The following MTHFD1L variants were observed in gnomAD, a reference collection of about 807,000 sequenced individuals.
MTHFD1L encodes monofunctional C1-tetrahydrofolate synthase, mitochondrial.
In MTHFD1L, 81 loss-of-function variants were observed where a neutral mutation model predicts 119.5. The observed-to-expected ratio is 0.68, with a 90% CI of 0.57 to 0.82. The LOEUF is 0.82. Ranked by LOEUF, MTHFD1L falls within the 40% of genes least tolerant of loss-of-function variation. The pLI is 0.00. For synonymous variants in MTHFD1L, 430 were observed against 475.2 expected (o/e 0.90, Z 1.24); for missense variants, 1,125 against 1,253.4 (o/e 0.90, Z 1.55).
intron 26 of MTHFD1L, among the ~76,000 whole-genome samples, chr6:151,059,190 T>A (rs1380323263): frequency 1.0e-5 from 1 of 96,592 alleles, no homozygotes; most frequent in Non-Finnish European, 3.0e-5. Context: ...TCTAAACTGG[T>A]GGTGGTGGTG....
intron 5 of MTHFD1L, 21 bp from the exon 6 acceptor site, chr6:150,885,613 C>T (rs1425537589): frequency 1.2e-6 from 2 of 1,601,552 alleles, no homozygotes; most frequent in African/African-American, 1.3e-5. Context: ...ACTTAACCTA[C>T]TTCTTTATTT....
intron 26 of MTHFD1L, among the ~76,000 whole-genome samples, chr6:151,076,052 A>T (rs563492984): frequency 6.6e-6 from 1 of 152,244 alleles, no homozygotes; most frequent in Non-Finnish European, 1.5e-5. Context: ...ATACCGCTGC[A>T]TAGCTATTAG....
intron 11 of MTHFD1L, 92 bp from the exon 12 acceptor site, chr6:150,936,712 G>A: frequency 6.9e-7 from 1 of 1,440,862 alleles, no homozygotes; most frequent in Non-Finnish European, 9.6e-7. Flanking sequence ...TTTGAAATGA[G>A]CACCCTCAGA....
intron 26 of MTHFD1L, among the ~76,000 whole-genome samples, chr6:151,054,682 C>T (rs950550733): frequency 4.6e-5 from 7 of 152,086 alleles, no homozygotes; most frequent in African/African-American, 1.7e-4. Context: ...ATCTTTCTAC[C>T]CCCAAATAAT....
chr6:150,956,597 G>A (rs1390662080), intron 17 of MTHFD1L, among the ~76,000 whole-genome samples: 3 of 152,178 alleles, frequency 2.0e-5, no homozygotes, highest in Non-Finnish European at 4.4e-5. Context: ...GATATTGGAT[G>A]TGCGTCAATG....
At chr6:151,090,622 C>G (rs1251120030) in intron 26 of MTHFD1L, among the ~76,000 whole-genome samples, 1 of 152,242 alleles carries the variant, frequency 6.6e-6, no homozygotes, top group Admixed American at 6.5e-5. Flanking sequence ...GTTCTATTCT[C>G]TAGGCCTTAG....
chr6:151,038,980 C>T (rs1159229944), intron 26 of MTHFD1L, among the ~76,000 whole-genome samples: 2 of 152,110 alleles, frequency 1.3e-5, no homozygotes, highest in African/African-American at 4.8e-5. Flanking sequence ...ACTGGAAATA[C>T]AGACACAGTG....
At position 150,960,386 on chromosome 6, in the gene MTHFD1L, A is replaced by C; in HGVS notation, c.1915A>C (p.Ser639Arg). The change falls in exon 18 of 28, where the codon AGC (serine) becomes CGC (arginine). Residue 639 changes from serine (S) to arginine (R), a missense_variant. Transcript: ENST00000367321. ...AAGGATGGTGGTGGCCAGTGACAAA[A>C]GCGGGCAGCCTGTGACAGCAGATGA... Reference protein sequence around the residue: ...LGRMVVASDKSGQPVTADDLG... With the variant: ...LGRMVVASDKRGQPVTADDLG... 6.2e-7 allele frequency: 1 copy of C among 1,612,864 alleles called. No individual in the cohort carries two copies. Among genetic ancestry groups the C allele is most frequent in the Non-Finnish European group, 8.5e-7 (1 of 1,179,382 alleles).
In MTHFD1L at chr6:151,014,874, T is replaced by C. The variant is rs1222377313; in HGVS notation, c.2308-6T>C. On this transcript the variant is annotated splice_region_variant and splice_polypyrimidine_tract_variant and intron_variant, in intron 22 of 27. Coordinates refer to ENST00000367321, the MANE Select transcript of MTHFD1L (RefSeq NM_015440.5). ...GGTCTGGGTTTTGCTTTTTTCTTTT[T>C]TACAGAACATCCAGCTGGTGGCAGA... The C allele has an allele frequency of 1.4e-5, 23 of 1,613,560 alleles. No homozygotes were observed. The highest frequency in any genetic ancestry group is 8.0e-5 in the African/African-American group (6 of 75,024).
At position 151,029,572 on chromosome 6, in the gene MTHFD1L, G is replaced by A. The variant is rs537118899; in HGVS notation, c.2587-4921G>A. On this transcript the variant is annotated intron_variant, in intron 24 of 27. Transcript: ENST00000367321. Reference sequence around the variant, plus strand: ...AGCACTTTGGGAGGCCGAGGCAAGCGGATCACCTGAGGTCAGGAGTTTGAG... The same window carrying A: ...AGCACTTTGGGAGGCCGAGGCAAGCAGATCACCTGAGGTCAGGAGTTTGAG... Among the ~76,000 whole-genome samples, 342 of 151,308 alleles carry A rather than the reference G, an allele frequency of 2.3e-3. 1 individual carries two copies. The highest frequency in any genetic ancestry group is 3.9e-3 in the Non-Finnish European group (263 of 67,788).
intron 14 of MTHFD1L, 33 bp from the exon 15 acceptor site, chr6:150,945,434 T>C (rs1793762833): frequency 1.3e-6 from 2 of 1,575,918 alleles, no homozygotes; most frequent in African/African-American, 1.4e-5. Context: ...CAACTAACTT[T>C]TGTGTGGTCT....
chr6:151,064,789 G>GTTTTTTTTTTTTTT (rs63491461), intron 26 of MTHFD1L, among the ~76,000 whole-genome samples: 1 of 147,796 alleles, frequency 6.8e-6, no homozygotes. Context: ...TTCTTTTTTT[G>GTTTTTTTTTTTTTT]TTTTTTTTTT....
chr6:151,099,175 C>CAA (rs34747023), intron 27 of MTHFD1L, among the ~76,000 whole-genome samples: 1 of 124,370 alleles, frequency 8.0e-6, no homozygotes, highest in Admixed American at 8.2e-5. Context: ...GACTCCATCT[C>CAA]AAAAAAAAAA....
At chr6:150,962,852 G>A (rs948821434) in intron 18 of MTHFD1L, among the ~76,000 whole-genome samples, 2 of 151,462 alleles carry the variant, frequency 1.3e-5, no homozygotes, top group Non-Finnish European at 2.9e-5. Context: ...CTCTGCATTA[G>A]CACAACAGGA....
At chr6:150,999,721 C>T (rs780713672) in intron 20 of MTHFD1L, among the ~76,000 whole-genome samples, 3 of 152,108 alleles carry the variant, frequency 2.0e-5, no homozygotes, top group Non-Finnish European at 4.4e-5. Context: ...AATCATCTTA[C>T]AAAACAAGAT....
intron 11 of MTHFD1L, chr6:150,935,306 G>A (rs1197818512): frequency 6.2e-7 from 1 of 1,611,896 alleles, no homozygotes. Flanking sequence ...AGCCAAAACT[G>A]AACTTCACAA....
intron 26 of MTHFD1L, among the ~76,000 whole-genome samples, chr6:151,086,876 A>T (rs1299903112): frequency 3.9e-5 from 6 of 152,214 alleles, no homozygotes; most frequent in African/African-American, 1.4e-4. Context: ...CGTGTTAACA[A>T]TTCAGAAAAT....
intron 20 of MTHFD1L, among the ~76,000 whole-genome samples, chr6:150,980,917 T>A (rs1777398791): frequency 6.6e-6 from 1 of 152,106 alleles, no homozygotes; most frequent in Non-Finnish European, 1.5e-5. Context: ...GCGGAGGTTC[T>A]CAGACTTTCT....
intron 1 of MTHFD1L, among the ~76,000 whole-genome samples, chr6:150,871,646 C>T (rs766395723): frequency 1.3e-5 from 2 of 150,778 alleles, no homozygotes; most frequent in Admixed American, 6.6e-5. Flanking sequence ...AGACTACAGG[C>T]GCCTGCCACC....
Sources: gnomAD v4.1 joint callset for allele counts (sites outside exome capture counted in the v4.1 genomes callset) on GRCh38, gnomAD v4.1.1 for gene constraint, MANE v1.5 for transcripts, NCBI Gene and HGNC (gene_info 2026-07-23, HGNC 2026-07-21) for gene names.